Variants in DPP6 observed in about 807,000 individuals in gnomAD.
DPP6 encodes A-type potassium channel modulatory protein DPP6.
A neutral mutation model predicts 122.6 loss-of-function variants in DPP6; 69 were observed. That is an observed-to-expected ratio of 0.56 (90% CI 0.46 to 0.69). DPP6 has a LOEUF of 0.69. Ranked by LOEUF, DPP6 falls within the 30% of genes least tolerant of loss-of-function variation. The pLI is 0.00. For missense variants in DPP6, 928 were observed against 1,116.9 expected (o/e 0.83, Z 2.41); for synonymous variants, 418 against 433.1 (o/e 0.97, Z 0.43).
At position 153,920,366 on chromosome 7, in the gene DPP6, GC is replaced by G. The variant is rs370679070; in HGVS notation, c.51+32633del. 2.7e-3 allele frequency among the ~76,000 whole-genome samples: 413 copies of G among 152,226 alleles called. 1 individual carries two copies. The highest frequency in any genetic ancestry group is 9.7e-3 in the African/African-American group (403 of 41,544). ...TATCCAAAGTGCTAAAGAATCTTTT[GC>G]GATGCTGTGTGGCAACAATGTTGCA... On this transcript the variant is annotated intron_variant, in intron 1 of 25. Coordinates refer to the DPP6 transcript ENST00000404039.
the DPP6 span, among the ~76,000 whole-genome samples, chr7:153,869,556 G>T: frequency 6.6e-6 from 1 of 152,188 alleles, no homozygotes; most frequent in South Asian, 2.1e-4. Flanking sequence ...CTCTGCACAT[G>T]AGATGGGTTT....
intron 1 of DPP6, among the ~76,000 whole-genome samples, chr7:154,444,947 T>C (rs1819728904): frequency 6.6e-6 from 1 of 152,240 alleles, no homozygotes. Context: ...ATGGCAAATA[T>C]GAAGACTTGT....
At chr7:154,401,547 T>A (rs1366558406) in intron 1 of DPP6, among the ~76,000 whole-genome samples, 1 of 152,166 alleles carries the variant, frequency 6.6e-6, no homozygotes, top group Non-Finnish European at 1.5e-5. Context: ...CCAATAGTCG[T>A]CTTTAAAACT....
At chr7:154,459,974 C>CTTTTTTTTT (rs71184004) in intron 2 of DPP6, among the ~76,000 whole-genome samples, 8 of 58,566 alleles carry the variant, frequency 1.4e-4, no homozygotes, top group Non-Finnish European at 1.7e-4. Context: ...TATTCATGTG[C>CTTTTTTTTT]TTTTTTTTTT....
chr7:153,923,772 AAAAAAAAAAAG>A (rs1800758674), intron 1 of DPP6, among the ~76,000 whole-genome samples: 2 of 151,062 alleles, frequency 1.3e-5, no homozygotes, highest in Non-Finnish European at 3.0e-5. Context: ...AAAAAAAAAA[AAAAAAAAAAAG>A]AAGATTCCTT....
In DPP6 at chr7:154,877,925, C is replaced by G. The variant is rs1411561734; in HGVS notation, c.2078+1825C>G. On this transcript the variant is annotated intron_variant, in intron 20 of 25. Coordinates refer to ENST00000377770, the MANE Select transcript of DPP6 (RefSeq NM_130797.4). The surrounding 1 kb of genome is among the most constrained non-coding windows in gnomAD (Gnocchi z 5.2). ...GGGTGGCTGCTGGGTCAGCAGCGGG[C>G]AGTGCCAGCCACAGAGGACTCCCAG... Among the ~76,000 whole-genome samples the G allele has an allele frequency of 6.6e-6, 1 of 152,198 alleles. No individual in the cohort carries two copies. Among genetic ancestry groups the G allele is most frequent in the African/African-American group, 2.4e-5 (1 of 41,452 alleles).
At chr7:153,993,543 T>C (rs1797288802) in intron 1 of DPP6, among the ~76,000 whole-genome samples, 1 of 152,258 alleles carries the variant, frequency 6.6e-6, no homozygotes, top group Non-Finnish European at 1.5e-5. Flanking sequence ...AGCTGGTTAC[T>C]GTTTGAACCC....
intron 1 of DPP6, among the ~76,000 whole-genome samples, chr7:154,247,649 T>C (rs2150888793): frequency 6.6e-6 from 1 of 152,256 alleles, no homozygotes; most frequent in Middle Eastern, 3.4e-3. Context: ...ACATTCTTGG[T>C]GGGAGAGAGC....
chr7:154,884,338 A>G (rs1360101340), intron 21 of DPP6: 4 of 133,930 alleles, frequency 3.0e-5, no homozygotes, highest in Non-Finnish European at 6.4e-5. Flanking sequence ...ACAATTACAT[A>G]CGCCTACTCA....
intron 3 of DPP6, among the ~76,000 whole-genome samples, chr7:154,504,300 T>A (rs1825495234): frequency 6.6e-6 from 1 of 152,196 alleles, no homozygotes; most frequent in Non-Finnish European, 1.5e-5. Flanking sequence ...CAAATAAGCA[T>A]GAAGACAGTT....
chr7:154,486,057 G>A lies in DPP6; in HGVS notation c.457+11020G>A, dbSNP rs1245055769. Among the ~76,000 whole-genome samples the A allele has an allele frequency of 1.3e-5, 2 of 151,470 alleles. No homozygotes were observed. The highest frequency in any genetic ancestry group is 4.8e-5 in the African/African-American group (2 of 41,254). The stretch of plus-strand genomic sequence containing the variant: ...TCACTTTTTCAAAGTTACCAAGATG[G>A]CTTTAGAGAATCCAGGGTGTTCCTG... On this transcript the variant is annotated intron_variant, in intron 3 of 25. Transcript: ENST00000377770. The surrounding 1 kb of genome is among the most constrained non-coding windows in gnomAD (Gnocchi z 4.5).
chr7:154,576,280 C>T (rs1831665597), intron 5 of DPP6, among the ~76,000 whole-genome samples: 1 of 152,076 alleles, frequency 6.6e-6, no homozygotes. Context: ...TAGTGATGGA[C>T]GCTCACTCCC....
intron 20 of DPP6, among the ~76,000 whole-genome samples, chr7:154,878,830 C>T (rs1254696377): frequency 1.3e-5 from 2 of 152,218 alleles, no homozygotes; most frequent in Non-Finnish European, 2.9e-5. Context: ...CTTTTGGGTC[C>T]TACGTGCTCA....
At chr7:154,459,140 TAAA>T (rs200379031) in intron 2 of DPP6, among the ~76,000 whole-genome samples, 1 of 119,740 alleles carries the variant, frequency 8.4e-6, no homozygotes, top group South Asian at 2.9e-4. Flanking sequence ...AAATGCAGAT[TAAA>T]AAAAAGAAGC....
At chr7:154,623,985 G>A (rs1004144461) in intron 5 of DPP6, among the ~76,000 whole-genome samples, 4 of 152,316 alleles carry the variant, frequency 2.6e-5, no homozygotes, top group South Asian at 4.1e-4. Context: ...CTTGAGGTGA[G>A]GAATTCGAGA....
At chr7:154,167,938 C>T (rs1426143900) in intron 1 of DPP6, among the ~76,000 whole-genome samples, 2 of 152,196 alleles carry the variant, frequency 1.3e-5, no homozygotes, top group Non-Finnish European at 2.9e-5. Flanking sequence ...TGGCCTGTCT[C>T]GCACCTGTCA....
At chr7:153,835,454 T>C in the DPP6 span, among the ~76,000 whole-genome samples, 2 of 152,160 alleles carry the variant, frequency 1.3e-5, no homozygotes, top group Admixed American at 1.3e-4. Flanking sequence ...TCAAGCCTCC[T>C]TTTACCACCT....
chr7:154,368,523 A>T (rs117386243), intron 1 of DPP6, among the ~76,000 whole-genome samples: 13 of 152,332 alleles, frequency 8.5e-5, no homozygotes, highest in Non-Finnish European at 1.6e-4. Flanking sequence ...TTGCCACGAA[A>T]CATCTCACTT....
At chr7:154,298,584 T>G (rs1585862633) in intron 1 of DPP6, among the ~76,000 whole-genome samples, 1 of 152,192 alleles carries the variant, frequency 6.6e-6, no homozygotes, top group Non-Finnish European at 1.5e-5. Flanking sequence ...GTTCAAGAGA[T>G]GTACCCGTGT....
Sources: allele counts gnomAD v4.1 joint callset (sites outside exome capture counted in the v4.1 genomes callset), GRCh38; gene constraint gnomAD v4.1.1; non-coding constraint Gnocchi (gnomAD v3.1); transcripts MANE v1.5; gene names NCBI Gene and HGNC (gene_info 2026-07-23, HGNC 2026-07-21).